The following GLB1L variants were observed in gnomAD, a reference collection of about 807,000 sequenced individuals.
GLB1L encodes beta-galactosidase-1-like protein.
A neutral mutation model predicts 75.7 loss-of-function variants in GLB1L; 58 were observed. That is an observed-to-expected ratio of 0.77 (90% CI 0.62 to 0.95). The LOEUF is 0.95. Ranked by LOEUF, GLB1L falls within the 40% of genes least tolerant of loss-of-function variation. The pLI, the probability that GLB1L is intolerant of heterozygous loss-of-function variation, is 0.00. For missense variants in GLB1L, 797 were observed against 805.5 expected, an observed-to-expected ratio of 0.99 and a Z score of 0.13; for synonymous variants, 296 against 303.0, an observed-to-expected ratio of 0.98 and a Z score of 0.24.
At chr2:219,244,803 A>G (rs879624744) in intron 1 of GLB1L, among the ~76,000 whole-genome samples, 10 of 152,260 alleles carry the variant, frequency 6.6e-5, no homozygotes, top group Non-Finnish European at 1.5e-4. Context: ...AATTATTTCC[A>G]TTTTACAGAG....
chr2:219,238,848 G>T, intron 11 of GLB1L, 69 bp from the exon 12 acceptor site: 1 of 1,381,396 alleles, frequency 7.2e-7, no homozygotes, highest in Non-Finnish European at 1.0e-6. Context: ...AGACTCTAGG[G>T]CAGAGTTCCT....
chr2:219,241,054 C>T (rs1471643160), intron 5 of GLB1L, among the ~76,000 whole-genome samples: 5 of 151,674 alleles, frequency 3.3e-5, no homozygotes, highest in South Asian at 2.1e-4. Context: ...GCACTCCAGC[C>T]TGGGCAACAG....
chr2:219,240,303 GC>G lies in GLB1L; in HGVS notation c.452-19del, dbSNP rs779894484. ...AAGGAAGTCTAAAGGAAGGAGCAGA[GC>G]TTCTGTGTTAGGTGCTACCATCACA... is the stretch of plus-strand genomic sequence containing the variant. On this transcript the variant is annotated intron_variant, in intron 5 of 16. Coordinates refer to ENST00000295759, the MANE Select transcript of GLB1L (RefSeq NM_001286423.2). The G allele has an allele frequency of 6.3e-7, 1 of 1,596,154 alleles. No homozygotes were observed. The highest frequency in any genetic ancestry group is 8.6e-7 in the Non-Finnish European group (1 of 1,163,628).
Position 219,236,888 on chromosome 2 carries a change from C to T in GLB1L, c.*184G>A, listed in dbSNP as rs747892015. The T allele has an allele frequency of 3.5e-4, 185 of 521,454 alleles. 1 individual carries two copies. The highest frequency in any genetic ancestry group is 4.5e-4 in the Admixed American group (14 of 31,292). The allele number at this position is 521,454 out of a possible 1,614,324, so 32.3% of individuals were successfully genotyped here. On this transcript the variant is annotated 3_prime_UTR_variant, in exon 17 of 17. Transcript: ENST00000295759. ...CAAGCAATTCTCCTGCCCTCAGCCT[C>T]CCAAGTAGCTGGGATTAGAGGTGCC...
At chr2:219,243,029 T>C in intron 3 of GLB1L, 111 bp from the exon 4 acceptor site, 2 of 1,551,562 alleles carry the variant, frequency 1.3e-6, no homozygotes, top group East Asian at 2.3e-5. Context: ...GGTCCTGGCC[T>C]GCCCTTTCCC....
chr2:219,238,536 T>C lies in GLB1L; in HGVS notation c.1186A>G (p.Ile396Val), dbSNP rs1359852728. The C allele has an allele frequency of 1.2e-6, 2 of 1,613,992 alleles. No individual in the cohort carries two copies. Among genetic ancestry groups the C allele is most frequent in the East Asian group, 2.2e-5 (1 of 44,896 alleles). ...FLDLLCPRGP[I>V]HSILPMTFEA... ...AAGGTCATTGGCAAGATTGAATGAATGGGCCCACGGGGGCAAAGCAAGTCT... is the reference window on the plus strand; with the variant it reads ...AAGGTCATTGGCAAGATTGAATGAACGGGCCCACGGGGGCAAAGCAAGTCT... The change falls in exon 13 of 17, where the codon ATT (isoleucine) becomes GTT (valine). Residue 396 changes from isoleucine (I) to valine (V), a missense_variant. Transcript: ENST00000295759.
rs776594285 is a variant in GLB1L at position 219,239,226 on chromosome 2, TTTAA to T, written c.944-20_944-17del. 12 of 1,580,820 alleles carry T rather than the reference TTTAA, an allele frequency of 7.6e-6. No individual in the cohort carries two copies. The highest frequency in any genetic ancestry group is 1.1e-5 in the South Asian group (1 of 89,890). On this transcript the variant is annotated splice_polypyrimidine_tract_variant and intron_variant, in intron 10 of 16. Transcript: ENST00000295759. The stretch of plus-strand genomic sequence containing the variant: ...TTATCGGCACCTGAAGTTGAGCCAA[TTTAA>T]TTAATTCAACATGTATTTCAGATGA...
Position 219,238,544 on chromosome 2 carries a change from C to T in GLB1L, c.1178G>A (p.Arg393His), listed in dbSNP as rs146566014. The T allele has an allele frequency of 3.8e-4, 619 of 1,613,958 alleles. 1 individual carries two copies. Among genetic ancestry groups the T allele is most frequent in the Middle Eastern group, 1.2e-3 (7 of 6,062 alleles). ...LLAFLDLLCP[R>H]GPIHSILPMT... Reference sequence around the variant, plus strand: ...TGGCAAGATTGAATGAATGGGCCCACGGGGGCAAAGCAAGTCTAGGAAAGC... The same window carrying T: ...TGGCAAGATTGAATGAATGGGCCCATGGGGGCAAAGCAAGTCTAGGAAAGC... Residue 393 changes from arginine to histidine, a missense_variant, in exon 13 of 17, where the codon CGT becomes CAT. Physicochemically the swap from Arg to His is conservative, Grantham distance 29. Transcript: ENST00000295759.
intron 14 of GLB1L, 89 bp downstream of exon 14, chr2:219,238,161 T>G (rs1574862207): frequency 9.2e-7 from 1 of 1,084,064 alleles, no homozygotes. Flanking sequence ...AACAGGCAGG[T>G]GGGAAAGTGT....
chr2:219,237,103 G>A lies in GLB1L; in HGVS notation c.1934C>T (p.Ala645Val). The change falls in exon 17 of 17, where the codon GCC (alanine) becomes GTC (valine). Residue 645 changes from alanine (A) to valine (V), a missense_variant. Ala to Val is a moderately conservative substitution (Grantham distance 64, BLOSUM62 0). Coordinates refer to ENST00000295759, the MANE Select transcript of GLB1L (RefSeq NM_001286423.2). The stretch of plus-strand genomic sequence containing the variant: ...CCCACTTAACTCCATTGGTTCAGAG[G>A]CACTCAGTGTATCAGCTGAAAGGGA... ...INSLSADTLS[A>V]SEPMELSGH 1 of 1,611,618 alleles carries A rather than the reference G, an allele frequency of 6.2e-7. No individual in the cohort carries two copies. The highest frequency in any genetic ancestry group is 8.5e-7 in the Non-Finnish European group (1 of 1,177,822).
intron 14 of GLB1L, 119 bp from the exon 15 acceptor site, chr2:219,238,076 C>A: frequency 8.8e-7 from 1 of 1,137,530 alleles, no homozygotes; most frequent in Non-Finnish European, 1.3e-6. Context: ...ATCTATCACC[C>A]ATCTATTCTA....
In GLB1L at chr2:219,243,444, C is replaced by T. The variant is rs1402426856; in HGVS notation, c.72+58G>A. 17 of 1,605,298 alleles carry T rather than the reference C, an allele frequency of 1.1e-5. No individual in the cohort carries two copies. In the African/African-American group the frequency reaches 1.5e-4, roughly 14 times the overall value. On this transcript the variant is annotated intron_variant, in intron 2 of 16. Coordinates refer to ENST00000295759, the MANE Select transcript of GLB1L (RefSeq NM_001286423.2). ...GTTGTTACTTTGGACTTTCTCTCAT[C>T]CGCTGGATCTGATCCCGCTCACCGC...
rs185638224 is a variant in GLB1L at position 219,236,665 on chromosome 2, T to C, written c.*407A>G. ...TTTGGCAAGGAATGTGTACTTGTAC[T>C]TACATTCAGAGGCACTGTGGCCTTT... is the stretch of plus-strand genomic sequence containing the variant. On this transcript the variant is annotated 3_prime_UTR_variant, in exon 17 of 17. Transcript: ENST00000295759. The C allele has an allele frequency of 3.3e-5, 20 of 610,504 alleles. No individual in the cohort carries two copies. The East Asian group carries it at 5.3e-4, about 16-fold the overall frequency. The allele number at this position is 610,504 out of a possible 1,614,324, so 37.8% of individuals were successfully genotyped here.
rs185114654 is a variant in GLB1L at position 219,237,222 on chromosome 2, C to A, written c.1815G>T (p.Leu605=). The change falls in exon 17 of 17, where the codon CTG becomes CTT. Residue 605 remains leucine (L), a synonymous_variant. Coordinates refer to ENST00000295759, the MANE Select transcript of GLB1L (RefSeq NM_001286423.2). ...GCTGGAGAGGTACATCTTCTAGTTC[C>A]AGCAATGTAATTTTGTTGAGGGCTC... ...PRGALNKITL[L]ELEDVPLQPQ... is the part of the protein sequence containing the mutation. 6.2e-7 allele frequency: 1 copy of A among 1,614,136 alleles called. No individual in the cohort carries two copies. The highest frequency in any genetic ancestry group is 1.3e-5 in the African/African-American group (1 of 75,030).
Position 219,236,630 on chromosome 2 carries a change from C to A in GLB1L, c.*442G>T. 1 of 799,056 alleles carries A rather than the reference C, an allele frequency of 1.3e-6. No individual in the cohort carries two copies. The highest frequency in any genetic ancestry group is 1.9e-6 in the Non-Finnish European group (1 of 532,932). The allele number at this position is 799,056 out of a possible 1,614,324, so 49.5% of individuals were successfully genotyped here. A position where few individuals can be genotyped will look rare whatever the true frequency, so the allele number is the denominator to read the frequency against. On this transcript the variant is annotated 3_prime_UTR_variant, in exon 17 of 17. Transcript: ENST00000295759. Reference sequence around the variant, plus strand: ...CTGGTACTGTCTCTGGAATTTTAATCACAATAAAGTTTGGCAAGGAATGTG... The same window carrying A: ...CTGGTACTGTCTCTGGAATTTTAATAACAATAAAGTTTGGCAAGGAATGTG...
chr2:219,239,544 C>G lies in GLB1L; in HGVS notation c.902+17G>C. The stretch of plus-strand genomic sequence containing the variant: ...TCCCAGCTACAGATTCATATTGCCC[C>G]CAGTGTCTTTACTTACATGTTCACA... On this transcript the variant is annotated intron_variant, in intron 9 of 16. Coordinates refer to ENST00000295759, the MANE Select transcript of GLB1L (RefSeq NM_001286423.2). 1.2e-6 allele frequency: 2 copies of G among 1,614,158 alleles called. No individual in the cohort carries two copies. Among genetic ancestry groups the G allele is most frequent in the Non-Finnish European group, 1.7e-6 (2 of 1,180,016 alleles).
intron 4 of GLB1L, 31 bp from the exon 5 acceptor site, chr2:219,242,605 A>C: frequency 6.2e-7 from 1 of 1,603,278 alleles, no homozygotes; most frequent in Non-Finnish European, 8.5e-7. Context: ...ACAAAGAAGC[A>C]TGTAGGTTTT....
chr2:219,242,566 G>C lies in GLB1L; in HGVS notation c.399C>G (p.Leu133=), dbSNP rs143697645. 8.1e-6 allele frequency: 13 copies of C among 1,613,320 alleles called. No individual in the cohort carries two copies. In the African/African-American group the frequency reaches 1.7e-4, roughly 22 times the overall value. ...YICAEWEMGG[L]PSWLLRKPEI... ...CAGGTTTTCGAAGCAACCAGGATGG[G>C]AGACCCCCCTGAGACAAACATAAAG... Residue 133 remains leucine (L), a synonymous_variant, in exon 5 of 17, where the codon CTC becomes CTG. Transcript: ENST00000295759.
intron 1 of GLB1L, among the ~76,000 whole-genome samples, chr2:219,244,785 AG>A (rs1951487486): frequency 6.6e-6 from 1 of 152,202 alleles, no homozygotes; most frequent in African/African-American, 2.4e-5. Flanking sequence ...CAACTCCATG[AG>A]GTAGATAATT....
Sources: allele counts gnomAD v4.1 joint callset (sites outside exome capture counted in the v4.1 genomes callset), GRCh38; gene constraint gnomAD v4.1.1; transcripts MANE v1.5; gene names NCBI Gene and HGNC (gene_info 2026-07-23, HGNC 2026-07-21).